OSCAR: variants seen among roughly 807,000 people sequenced by gnomAD.
OSCAR encodes the protein osteoclast-associated immunoglobulin-like receptor.
A neutral mutation model predicts 27.3 loss-of-function variants in OSCAR; 25 were observed. That is an observed-to-expected ratio of 0.92 (90% confidence interval 0.67 to 1.28). OSCAR has a LOEUF of 1.28. OSCAR is among the 50% of genes most tolerant of loss of function. OSCAR has a pLI of 0.00. For missense variants in OSCAR, 354 were observed against 355.1 expected, an observed-to-expected ratio of 1.00 and a Z score of 0.03; for synonymous variants, 158 against 165.7, an observed-to-expected ratio of 0.95 and a Z score of 0.36.
chr19:54,099,212 C>CCG (rs1303643622), intron 2 of OSCAR, among the ~76,000 whole-genome samples: 1 of 133,920 alleles, frequency 7.5e-6, no homozygotes, highest in Middle Eastern at 3.8e-3. Flanking sequence ...ACAGGTGCGT[C>CCG]CCACCACACC....
rs368455538 is a variant in OSCAR at position 54,095,268 on chromosome 19, A to G, written c.745T>C (p.Phe249Leu). 6.2e-7 allele frequency: 1 copy of G among 1,607,850 alleles called. No individual in the cohort carries two copies. The highest frequency in any genetic ancestry group is 1.3e-5 in the African/African-American group (1 of 74,808). ...VLISLGALVTFDWRSQNRAPA... is the reference protein window; with the variant it reads ...VLISLGALVTLDWRSQNRAPA... ...GCGCGGTTCTGACTGCGCCAGTCAA[A>G]AGTGACCAGCGCGCCCAGGGAGATG... The change falls in exon 5 of 5, where the codon TTT becomes CTT. Residue 249 changes from phenylalanine (F) to leucine (L), a missense_variant. Coordinates refer to ENST00000358375, the MANE Select transcript of OSCAR (RefSeq NM_133169.6).
intron 1 of OSCAR, among the ~76,000 whole-genome samples, chr19:54,100,059 G>A (rs751164084): frequency 3.9e-5 from 6 of 152,040 alleles, no homozygotes; most frequent in Non-Finnish European, 7.4e-5. Context: ...TGATCCACCC[G>A]CCTCGGCCTC....
intron 2 of OSCAR, among the ~76,000 whole-genome samples, chr19:54,098,362 C>G (rs2072859744): frequency 6.6e-6 from 1 of 152,086 alleles, no homozygotes; most frequent in South Asian, 2.1e-4. Flanking sequence ...GTCAGGAGTT[C>G]AAGACCAGCC....
chr19:54,097,163 G>C lies in OSCAR; in HGVS notation c.72C>G (p.Val24=), dbSNP rs762537235. 6.2e-7 allele frequency: 1 copy of C among 1,610,614 alleles called. No individual in the cohort carries two copies. The highest frequency in any genetic ancestry group is 2.2e-5 in the East Asian group (1 of 44,796). The change falls in exon 3 of 5, where the codon GTC becomes GTG. Residue 24 remains valine (V), a splice_region_variant and synonymous_variant. Transcript: ENST00000358375. ...PLCHTDITPS[V]PPASYHPKPW... ...GCTTAGGGTGGTATGAAGCTGGGGG[G>C]ACTGAATAAACGGGGCTGCCTGGGT...
chr19:54,097,622 T>C (rs2072820845), intron 2 of OSCAR, among the ~76,000 whole-genome samples: 1 of 118,884 alleles, frequency 8.4e-6, no homozygotes, highest in South Asian at 3.0e-4. Flanking sequence ...TGAGGCAGGG[T>C]CTTGCTCTGT....
At chr19:54,095,413 C>A (rs587710821) in intron 4 of OSCAR, 56 bp from the exon 5 acceptor site, 3 of 1,521,202 alleles carry the variant, frequency 2.0e-6, no homozygotes, top group African/African-American at 2.8e-5. Flanking sequence ...AAAGTCTGGG[C>A]CCTGAACTCC....
intron 2 of OSCAR, 172 bp downstream of exon 2, chr19:54,099,576 T>C: frequency 6.3e-7 from 1 of 1,591,940 alleles, no homozygotes; most frequent in Non-Finnish European, 8.6e-7. Flanking sequence ...AAGTTCCTGG[T>C]CTTCAGTACT....
chr19:54,098,425 C>T (rs996560429), intron 2 of OSCAR, among the ~76,000 whole-genome samples: 3 of 151,840 alleles, frequency 2.0e-5, no homozygotes, highest in East Asian at 1.9e-4. Flanking sequence ...ATTAGCCAGG[C>T]GTGGTAGTGC....
intron 1 of OSCAR, among the ~76,000 whole-genome samples, chr19:54,100,475 T>C (rs1273375345): frequency 1.3e-5 from 2 of 152,114 alleles, no homozygotes; most frequent in African/African-American, 4.8e-5. Flanking sequence ...AGTCCTGGCT[T>C]CCATCCCCCT....
chr19:54,095,214 C>T lies in OSCAR; in HGVS notation c.*7G>A. ...TTGGAAGTCTCGGGCTGCAGTGCTC[C>T]TGGGGCTCAGGGGCGGATACCAGCA... is the stretch of plus-strand genomic sequence containing the variant. On this transcript the variant is annotated 3_prime_UTR_variant, in exon 5 of 5. Transcript: ENST00000358375. 6.2e-7 allele frequency: 1 copy of T among 1,610,838 alleles called. No individual in the cohort carries two copies. The highest frequency in any genetic ancestry group is 1.1e-5 in the South Asian group (1 of 90,472).
At chr19:54,095,713 C>G (rs1172021224) in intron 4 of OSCAR, 159 bp downstream of exon 4, 1 of 1,243,516 alleles carries the variant, frequency 8.0e-7, no homozygotes, top group African/African-American at 1.6e-5. Flanking sequence ...GGGGCTGGGT[C>G]CCAGGAATCC....
intron 2 of OSCAR, among the ~76,000 whole-genome samples, chr19:54,098,743 T>C (rs1266178569): frequency 6.6e-6 from 1 of 151,804 alleles, no homozygotes; most frequent in African/African-American, 2.4e-5. Context: ...CCCAACACTT[T>C]GGGAGGCTGA....
intron 2 of OSCAR, 196 bp downstream of exon 2, chr19:54,099,552 G>A (rs745347166): frequency 6.5e-7 from 1 of 1,537,758 alleles, no homozygotes; most frequent in South Asian, 1.1e-5. Flanking sequence ...TCCTAGCTTA[G>A]GCCTCTGCCT....
intron 2 of OSCAR, among the ~76,000 whole-genome samples, chr19:54,097,661 C>G (rs1167372303): frequency 7.7e-6 from 1 of 129,120 alleles, no homozygotes; most frequent in Admixed American, 9.6e-5. Flanking sequence ...GTGGCATGTT[C>G]TCAACTCACT....
Position 54,096,272 on chromosome 19 carries a change from C to T in OSCAR, c.374-119G>A, listed in dbSNP as rs587624921. Reference sequence around the variant, plus strand: ...TGTGCCTCTCTCTCTCTTTCTGCCTCTCTTTCTCTCTGCCTGTCTCTCTCT... The same window carrying T: ...TGTGCCTCTCTCTCTCTTTCTGCCTTTCTTTCTCTCTGCCTGTCTCTCTCT... On this transcript the variant is annotated intron_variant, in intron 3 of 4. Transcript: ENST00000358375. The T allele has an allele frequency of 6.6e-6, 6 of 904,750 alleles. No homozygotes were observed. The Admixed American group carries it at 1.6e-4, about 24-fold the overall frequency. The allele number at this position is 904,750 out of a possible 1,614,324, so 56.0% of individuals were successfully genotyped here.
intron 1 of OSCAR, among the ~76,000 whole-genome samples, chr19:54,100,291 G>A (rs888697286): frequency 4.6e-5 from 7 of 152,126 alleles, no homozygotes; most frequent in Non-Finnish European, 8.8e-5. Flanking sequence ...AAGTCTGAAC[G>A]CAGACCCCTC....
At chr19:54,096,691 CTCT>C (rs2072746097) in intron 3 of OSCAR, among the ~76,000 whole-genome samples, 168 bp downstream of exon 3, 1 of 151,322 alleles carries the variant, frequency 6.6e-6, no homozygotes, top group Non-Finnish European at 1.5e-5. Flanking sequence ...ACCTCTCTCT[CTCT>C]CTGCTCCCCT....
Position 54,095,342 on chromosome 19 carries a change from T to G in OSCAR, c.671A>C (p.Asp224Ala), listed in dbSNP as rs763193258. The G allele has an allele frequency of 1.3e-6, 2 of 1,565,950 alleles. No individual in the cohort carries two copies. Among genetic ancestry groups the G allele is most frequent in the Non-Finnish European group, 8.7e-7 (1 of 1,155,822 alleles). ...VISWEDSGSSDYTRGNLVRLG... is the reference protein window; with the variant it reads ...VISWEDSGSSAYTRGNLVRLG... ...GCGGACTAGGTTCCCCCGGGTGTAGTCGGAGGAGCCAGAGTCTGCGGGCGG... is the reference window on the plus strand; with the variant it reads ...GCGGACTAGGTTCCCCCGGGTGTAGGCGGAGGAGCCAGAGTCTGCGGGCGG... The change falls in exon 5 of 5, where the codon GAC (aspartate) becomes GCC (alanine). Residue 224 changes from aspartate (D) to alanine (A), a missense_variant. Asp to Ala is a moderately radical substitution (Grantham distance 126, BLOSUM62 -2). Coordinates refer to ENST00000358375, the MANE Select transcript of OSCAR (RefSeq NM_133169.6).
At position 54,095,473 on chromosome 19, in the gene OSCAR, A is replaced by G. The variant is rs1186478920; in HGVS notation, c.656-116T>C. 3.4e-6 allele frequency: 5 copies of G among 1,456,758 alleles called. No homozygotes were observed. The African/African-American group carries it at 7.2e-5, about 21-fold the overall frequency. 90.2% of individuals were successfully genotyped at this position (1,456,758 alleles called of 1,614,324 possible). A position where few individuals can be genotyped will look rare whatever the true frequency, so the allele number is the denominator to read the frequency against. ...TTAGGGACCTGACTCTACAGTCTCA[A>G]AGTTGAGGGGGAGTCGATGGAGGCT... On this transcript the variant is annotated intron_variant, in intron 4 of 4. Transcript: ENST00000358375.
Sources: gnomAD v4.1 joint callset for allele counts (sites outside exome capture counted in the v4.1 genomes callset) on GRCh38, gnomAD v4.1.1 for gene constraint, MANE v1.5 for transcripts, NCBI Gene and HGNC (gene_info 2026-07-23, HGNC 2026-07-21) for gene names.